MARCHF1: variants seen among roughly 807,000 people sequenced by gnomAD.
MARCHF1 encodes the protein E3 ubiquitin-protein ligase MARCHF1.
A neutral mutation model predicts 54.2 loss-of-function variants in MARCHF1; 40 were observed. The observed-to-expected ratio is 0.74, with a 90% confidence interval of 0.57 to 0.96. The LOEUF (loss-of-function observed/expected upper bound fraction) is 0.96. Ranked by LOEUF, MARCHF1 falls within the 40% of genes least tolerant of loss-of-function variation. The pLI is 0.00. For synonymous variants in MARCHF1, 236 were observed against 236.3 expected (o/e 1.00, Z 0.01); for missense variants, 586 against 656.5 (o/e 0.89, Z 1.17).
At chr4:163,943,327 C>T (rs973439027) in intron 3 of MARCHF1, among the ~76,000 whole-genome samples, 6 of 152,110 alleles carry the variant, frequency 3.9e-5, no homozygotes, top group Non-Finnish European at 7.4e-5. Context: ...TTGTGTTTTA[C>T]ATTTAAGTTT....
intron 1 of MARCHF1, among the ~76,000 whole-genome samples, chr4:164,174,656 A>AT (rs1342612678): frequency 6.6e-6 from 1 of 152,132 alleles, no homozygotes; most frequent in East Asian, 1.9e-4. Context: ...ATAGGGATTC[A>AT]TTTTTTCTAT....
chr4:164,079,765 A>G (rs1445996499), intron 2 of MARCHF1, among the ~76,000 whole-genome samples: 5 of 152,160 alleles, frequency 3.3e-5, no homozygotes, highest in Non-Finnish European at 7.4e-5. Flanking sequence ...TTTGACCATT[A>G]TCAATATACT....
At chr4:164,240,955 C>T (rs141339967) in intron 1 of MARCHF1, among the ~76,000 whole-genome samples, 658 of 152,282 alleles carry the variant, frequency 4.3e-3, no homozygotes, top group Middle Eastern at 0.027. Flanking sequence ...CCCTAGCTTG[C>T]TTACTGCTCA....
At chr4:163,974,657 T>TA (rs541350862) in intron 3 of MARCHF1, among the ~76,000 whole-genome samples, 104 of 152,310 alleles carry the variant, frequency 6.8e-4, no homozygotes, top group African/African-American at 2.4e-3. Flanking sequence ...AAAGAAATTA[T>TA]AATAGATATA....
At chr4:164,267,929 C>T (rs9762840) in intron 1 of MARCHF1, among the ~76,000 whole-genome samples, 140,239 of 151,536 alleles carry the variant, frequency 0.93, 64,921 homozygotes, top group Admixed American at 0.93. Context: ...GCTTCCAAAT[C>T]TGCAAGCTGA....
chr4:163,754,461 T>C (rs908698137), intron 4 of MARCHF1, among the ~76,000 whole-genome samples: 1 of 152,194 alleles, frequency 6.6e-6, no homozygotes, highest in Non-Finnish European at 1.5e-5. Flanking sequence ...AGAATAGACA[T>C]CCTGGATTCT....
At chr4:164,022,665 T>G (rs1753689569) in intron 2 of MARCHF1, among the ~76,000 whole-genome samples, 2 of 152,224 alleles carry the variant, frequency 1.3e-5, no homozygotes, top group Non-Finnish European at 2.9e-5. Context: ...CAGAAGCTTT[T>G]GTGCATGGAG....
At chr4:164,279,042 T>C (rs1052264929) in intron 1 of MARCHF1, among the ~76,000 whole-genome samples, 1 of 151,812 alleles carries the variant, frequency 6.6e-6, no homozygotes, top group African/African-American at 2.4e-5. Context: ...AATTGAAGAT[T>C]AGTATACATT....
chr4:163,941,522 C>T (rs150915465), intron 3 of MARCHF1, among the ~76,000 whole-genome samples: 3 of 152,190 alleles, frequency 2.0e-5, no homozygotes, highest in Admixed American at 6.5e-5. Flanking sequence ...ATGACTCTTC[C>T]TGCTTTCATA....
intron 1 of MARCHF1, among the ~76,000 whole-genome samples, chr4:164,206,828 C>T (rs966854246): frequency 2.0e-5 from 3 of 151,882 alleles, no homozygotes; most frequent in African/African-American, 4.8e-5. Flanking sequence ...AGTCACTATA[C>T]TTAATAATTT....
intron 1 of MARCHF1, among the ~76,000 whole-genome samples, chr4:164,220,388 T>G (rs1204459612): frequency 1.4e-5 from 2 of 147,090 alleles, no homozygotes; most frequent in African/African-American, 4.9e-5. Context: ...TCCATTCCTA[T>G]GTATATAGGA....
chr4:164,058,595 C>T (rs760165409), intron 2 of MARCHF1, among the ~76,000 whole-genome samples: 1 of 152,136 alleles, frequency 6.6e-6, no homozygotes, highest in African/African-American at 2.4e-5. Flanking sequence ...GAAGCAAATG[C>T]CAACGACTTG....
intron 1 of MARCHF1, among the ~76,000 whole-genome samples, chr4:164,317,869 A>T (rs984584119): frequency 2.0e-5 from 3 of 152,184 alleles, no homozygotes; most frequent in African/African-American, 4.8e-5. Flanking sequence ...ACCAGCCCAC[A>T]TATTTGTCAT....
At chr4:164,056,151 C>T (rs77455697) in intron 2 of MARCHF1, among the ~76,000 whole-genome samples, 11,730 of 152,148 alleles carry the variant, frequency 0.077, 517 homozygotes, top group Middle Eastern at 0.16. Flanking sequence ...TGCAATGATG[C>T]GCTGGCTCTG....
chr4:164,118,614 A>G (rs1755991563), intron 1 of MARCHF1, among the ~76,000 whole-genome samples: 1 of 151,662 alleles, frequency 6.6e-6, no homozygotes, highest in Admixed American at 6.6e-5. Context: ...CCAGTTTAAT[A>G]TATCTTTTTT....
intron 3 of MARCHF1, among the ~76,000 whole-genome samples, chr4:163,958,909 A>G (rs1398403790): frequency 6.6e-6 from 1 of 151,998 alleles, no homozygotes; most frequent in African/African-American, 2.4e-5. Context: ...TATAGCCTCC[A>G]CTTTCACAAA....
At chr4:164,256,577 A>T (rs1336869422) in intron 1 of MARCHF1, among the ~76,000 whole-genome samples, 4 of 152,140 alleles carry the variant, frequency 2.6e-5, no homozygotes, top group African/African-American at 9.6e-5. Context: ...GAAGGGAAAA[A>T]TAAGCAAAGT....
intron 3 of MARCHF1, among the ~76,000 whole-genome samples, chr4:163,862,646 C>T (rs1042288548): frequency 2.6e-5 from 4 of 152,016 alleles, no homozygotes; most frequent in African/African-American, 9.7e-5. Flanking sequence ...ACAATTTGGT[C>T]AATTTGGTAG....
chr4:163,528,804 C>G lies in MARCHF1; in HGVS notation c.1582G>C (p.Gly528Arg), dbSNP rs780281050. Residue 528 changes from glycine to arginine, a missense_variant, in exon 10 of 10, where the codon GGT becomes CGT. Around this residue, in one of 3 missense-constraint regions of MARCHF1, gnomAD observed 106 missense variants for 93.8 expected, o/e 1.13. Transcript: ENST00000514618. ...TCTGCAGATGGCAGTGAATTTGCAC[C>G]TGTTTGTGGTACAGGCACTACCACA... The part of the protein sequence containing the change: ...DAVVVPVPQT[G>R]ANSLPSAEGG... 3 of 1,613,050 alleles carry G rather than the reference C, an allele frequency of 1.9e-6. No homozygotes were observed. Among genetic ancestry groups the G allele is most frequent in the Non-Finnish European group, 2.5e-6 (3 of 1,179,432 alleles).
Sources: allele counts gnomAD v4.1 joint callset (sites outside exome capture counted in the v4.1 genomes callset), GRCh38; gene constraint gnomAD v4.1.1; regional missense constraint gnomAD v4.1.1; transcripts MANE v1.5; gene names NCBI Gene and HGNC (gene_info 2026-07-23, HGNC 2026-07-21).